SLC25A48: variants seen among roughly 807,000 people sequenced by gnomAD.
The protein encoded by SLC25A48 is CTC-321K16.1.
SLC25A48 carries 29 observed loss-of-function variants against 32.2 expected under a neutral mutation model. The observed-to-expected ratio is 0.90, with a 90% confidence interval of 0.67 to 1.23. The LOEUF is 1.23. SLC25A48 is among the 50% of genes most tolerant of loss of function. SLC25A48 has a pLI of 0.00. For synonymous variants in SLC25A48, 164 were observed against 172.3 expected, an observed-to-expected ratio of 0.95 and a Z score of 0.38; for missense variants, 399 against 422.7, an observed-to-expected ratio of 0.94 and a Z score of 0.49.
Position 135,888,030 on chromosome 5 carries a change from A to T in SLC25A48, c.*8-2A>T, listed in dbSNP as rs762394386. On this transcript the variant is annotated splice_acceptor_variant, in intron 7 of 7. Coordinates refer to ENST00000681962, the MANE Select transcript of SLC25A48 (RefSeq NM_001349336.2). LOFTEE classifies it low-confidence loss of function (3UTR_SPLICE). ...TGAGTCTGGGTTGTTTGCTGTTTCC[A>T]GGAGGTGAACACAGGATGACTACAG... is the stretch of plus-strand genomic sequence containing the variant. 6.4e-7 allele frequency: 1 copy of T among 1,551,424 alleles called. No homozygotes were observed. The highest frequency in any genetic ancestry group is 1.2e-5 in the South Asian group (1 of 84,032).
At chr5:135,775,025 C>T (rs773954183) in intron 3 of SLC25A48, among the ~76,000 whole-genome samples, 2 of 151,770 alleles carry the variant, frequency 1.3e-5, no homozygotes, top group Non-Finnish European at 2.9e-5. Flanking sequence ...ATATTACTGT[C>T]TGTATCCCAA....
intron 6 of SLC25A48, among the ~76,000 whole-genome samples, chr5:135,879,368 C>T (rs58838335): frequency 0.033 from 5,092 of 152,176 alleles, 283 homozygotes; most frequent in African/African-American, 0.12. Flanking sequence ...TCTATTATTA[C>T]CCGCCCCTTA....
At chr5:135,765,320 C>T (rs1756182957) in intron 3 of SLC25A48, among the ~76,000 whole-genome samples, 1 of 149,804 alleles carries the variant, frequency 6.7e-6, no homozygotes, top group African/African-American at 2.5e-5. Context: ...CTTTCCATAT[C>T]GTGGGGGGTG....
rs1201197701 is a variant in SLC25A48, at chr5:135,792,514, A to G, written c.-520-20009A>G. On this transcript the variant is annotated intron_variant, in intron 3 of 10. Transcript: ENST00000646290. ...AATCTTAATGTAACCCTCTGGTTACATGTAATGTAACCATTATGTGTATAC... is the reference window on the plus strand; with the variant it reads ...AATCTTAATGTAACCCTCTGGTTACGTGTAATGTAACCATTATGTGTATAC... Among the ~76,000 whole-genome samples, 197 of 149,480 alleles carry G rather than the reference A, an allele frequency of 1.3e-3. 1 individual carries two copies. The highest frequency in any genetic ancestry group is 4.8e-3 in the African/African-American group (187 of 39,248).
intron 1 of SLC25A48, among the ~76,000 whole-genome samples, chr5:135,606,116 A>G (rs1381332086): frequency 2.0e-5 from 3 of 152,184 alleles, no homozygotes; most frequent in East Asian, 3.9e-4. Context: ...TTGCATTGAC[A>G]TGAAACTAAG....
intron 4 of SLC25A48, among the ~76,000 whole-genome samples, chr5:135,869,408 C>T (rs189237304): frequency 9.9e-5 from 15 of 152,226 alleles, no homozygotes; most frequent in South Asian, 6.2e-4. Flanking sequence ...TTGCTTACTC[C>T]GCAGGGAAAA....
rs1216254391 is a variant in SLC25A48 at position 135,734,745 on chromosome 5, A to C, written c.-520-77778A>C. Among the ~76,000 whole-genome samples the C allele has an allele frequency of 4.1e-5, 6 of 147,868 alleles. No homozygotes were observed. The South Asian group carries it at 1.1e-3, about 27-fold the overall frequency. ...GGCAGGAGAGTGGCGTGAACCTGGG[A>C]GGCGGAGCTTGCAGTGAGCTGAGAT... On this transcript the variant is annotated intron_variant, in intron 3 of 10. Coordinates refer to the SLC25A48 transcript ENST00000646290.
At chr5:135,627,962 C>CT (rs1752475422) in intron 1 of SLC25A48, among the ~76,000 whole-genome samples, 2 of 152,124 alleles carry the variant, frequency 1.3e-5, no homozygotes, top group Non-Finnish European at 2.9e-5. Flanking sequence ...GCCCTGCCCA[C>CT]CATGAACCCC....
Position 135,795,043 on chromosome 5 carries a change from T to G in SLC25A48, c.-520-17480T>G, listed in dbSNP as rs888343997. 5.9e-5 allele frequency among the ~76,000 whole-genome samples: 9 copies of G among 151,838 alleles called. No individual in the cohort carries two copies. The East Asian group carries it at 1.7e-3, about 29-fold the overall frequency. On this transcript the variant is annotated intron_variant, in intron 3 of 10. Transcript: ENST00000646290. ...TCCCAGGGGTTATACACCCCCACATTGATATTGTTTGTAATCTCCAGGAGA... is the reference window on the plus strand; with the variant it reads ...TCCCAGGGGTTATACACCCCCACATGGATATTGTTTGTAATCTCCAGGAGA...
chr5:135,615,033 C>T (rs559362164), intron 1 of SLC25A48, among the ~76,000 whole-genome samples: 9 of 152,332 alleles, frequency 5.9e-5, no homozygotes, highest in African/African-American at 2.2e-4. Flanking sequence ...GCTTCCTGTG[C>T]AGCCTGAAGA....
At chr5:135,860,584 T>C (rs1760696993) in intron 4 of SLC25A48, among the ~76,000 whole-genome samples, 1 of 152,206 alleles carries the variant, frequency 6.6e-6, no homozygotes, top group Non-Finnish European at 1.5e-5. Context: ...ATATTTTGGT[T>C]GGAATGATCA....
At chr5:135,815,694 G>T (rs1038200223) in intron 4 of SLC25A48, among the ~76,000 whole-genome samples, 13 of 152,168 alleles carry the variant, frequency 8.5e-5, no homozygotes, top group African/African-American at 2.4e-5. Flanking sequence ...CATGGACACA[G>T]GGGCAGGCCT....
rs140133141 is a variant in SLC25A48, at chr5:135,594,420, G to A, written c.-849+14823G>A. Among the ~76,000 whole-genome samples the A allele has an allele frequency of 2.8e-3, 431 of 152,244 alleles. 1 individual carries two copies. The highest frequency in any genetic ancestry group is 1.0e-2 in the African/African-American group (415 of 41,542). On this transcript the variant is annotated intron_variant, in intron 1 of 10. Coordinates refer to the SLC25A48 transcript ENST00000646290. ...GTGGTGGAAAGTCTAGGACTCTGGC[G>A]CCAGAGAACACTAGCTCCAAATCCT...
At chr5:135,808,670 G>A (rs551874724) in intron 3 of SLC25A48, among the ~76,000 whole-genome samples, 2 of 152,102 alleles carry the variant, frequency 1.3e-5, no homozygotes, top group South Asian at 2.1e-4. Context: ...CCTGTAAGAT[G>A]TCGGTGTCAA....
intron 3 of SLC25A48, among the ~76,000 whole-genome samples, chr5:135,726,854 G>A (rs1358087335): frequency 1.3e-5 from 2 of 152,168 alleles, no homozygotes; most frequent in Non-Finnish European, 2.9e-5. Flanking sequence ...GGGTTCTCTG[G>A]TAGTTGCATA....
At chr5:135,690,842 C>T (rs1282920381) in intron 3 of SLC25A48, among the ~76,000 whole-genome samples, 2 of 152,116 alleles carry the variant, frequency 1.3e-5, no homozygotes, top group Non-Finnish European at 2.9e-5. Flanking sequence ...CCCAAGAGGC[C>T]CCAACAGAAA....
At chr5:135,612,123 C>G (rs1245248214) in intron 1 of SLC25A48, among the ~76,000 whole-genome samples, 4 of 151,844 alleles carry the variant, frequency 2.6e-5, no homozygotes, top group Non-Finnish European at 5.9e-5. Context: ...TATAAAATAC[C>G]TAAAATAAGC....
At chr5:135,683,778 G>A (rs533272017) in intron 3 of SLC25A48, among the ~76,000 whole-genome samples, 1 of 152,252 alleles carries the variant, frequency 6.6e-6, no homozygotes, top group Admixed American at 6.5e-5. Flanking sequence ...GAGGTTCCCG[G>A]ACTTTGGGAA....
At chr5:135,616,695 T>G (rs977201055) in intron 1 of SLC25A48, among the ~76,000 whole-genome samples, 2 of 152,212 alleles carry the variant, frequency 1.3e-5, no homozygotes, top group African/African-American at 4.8e-5. Flanking sequence ...GCTGAAATGA[T>G]TCAAGACTTG....
Sources: allele counts gnomAD v4.1 joint callset (sites outside exome capture counted in the v4.1 genomes callset), GRCh38; gene constraint gnomAD v4.1.1; transcripts MANE v1.5; gene names NCBI Gene and HGNC (gene_info 2026-07-23, HGNC 2026-07-21).